Variants in SQOR observed in about 807,000 individuals in gnomAD.
The protein encoded by SQOR is sulfide:quinone oxidoreductase, mitochondrial.
Under a neutral mutation model 48.6 loss-of-function variants are expected in SQOR, and 39 were observed. The ratio of observed to expected loss-of-function variants is 0.80; its 90% CI spans 0.62 to 1.05. The LOEUF (loss-of-function observed/expected upper bound fraction) is 1.05. Among genes scored for constraint, SQOR ranks in the 50% least tolerant of loss-of-function variants. The pLI is 0.00. For synonymous variants in SQOR, 220 were observed against 206.2 expected, an observed-to-expected ratio of 1.07 and a Z score of -0.57; for missense variants, 561 against 559.9, an observed-to-expected ratio of 1.00 and a Z score of -0.02.
At chr15:45,650,971 A>G (rs1889473284) in intron 1 of SQOR, among the ~76,000 whole-genome samples, 1 of 152,216 alleles carries the variant, frequency 6.6e-6, no homozygotes, top group African/African-American at 2.4e-5. Context: ...CCCGTGCCAG[A>G]GCCGAGGCGG....
At chr15:45,633,902 T>C (rs1023489022), upstream of SQOR, among the ~76,000 whole-genome samples, 8 of 149,792 alleles carry the variant, frequency 5.3e-5, no homozygotes, top group Admixed American at 4.7e-4. Context: ...AGGCTGGGCA[T>C]GGTGGCTCAC....
At position 45,683,407 on chromosome 15, in the gene SQOR, G is replaced by A. The variant is rs548461990; in HGVS notation, c.1048+746G>A. ...GTCCTGTTAAGACAAATACAGTGGA[G>A]CATGCCCTGAGTGGTACACGATTAA... On this transcript the variant is annotated intron_variant, in intron 7 of 9. Coordinates refer to ENST00000260324, the MANE Select transcript of SQOR (RefSeq NM_021199.4). Among the ~76,000 whole-genome samples the A allele has an allele frequency of 5.9e-5, 9 of 152,350 alleles. 1 individual carries two copies. Among genetic ancestry groups the A allele is most frequent in the East Asian group, 1.9e-4 (1 of 5,190 alleles).
chr15:45,631,286 G>A (rs987045663), upstream of SQOR: 3 of 153,384 alleles, frequency 2.0e-5, no homozygotes, highest in African/African-American at 7.2e-5. Context: ...TTTATCAGCA[G>A]TGTGAAAACA....
chr15:45,689,417 CTTTT>C (rs544575691), intron 9 of SQOR, 200 bp downstream of exon 9: 527 of 254,310 alleles, frequency 2.1e-3, no homozygotes, highest in South Asian at 3.9e-3. Flanking sequence ...TGCTACCTTA[CTTTT>C]TTTTTTTTTT....
chr15:45,634,644 G>A (rs975732027), upstream of SQOR: 1 of 152,326 alleles, frequency 6.6e-6, no homozygotes, highest in Non-Finnish European at 1.5e-5. Context: ...GCACATAGGA[G>A]GACCCAGTGG....
chr15:45,675,831 T>G (rs1890026058), intron 5 of SQOR, among the ~76,000 whole-genome samples: 2 of 152,230 alleles, frequency 1.3e-5, no homozygotes, highest in South Asian at 4.1e-4. Context: ...TCTACTCTAC[T>G]CTGTCTTGAC....
upstream of SQOR, among the ~76,000 whole-genome samples, chr15:45,633,423 C>T (rs1027346384): frequency 1.3e-5 from 2 of 152,132 alleles, no homozygotes; most frequent in Non-Finnish European, 2.9e-5. Context: ...TGGCTGGGTG[C>T]GATGGCTCAC....
chr15:45,650,311 C>G (rs1233089380), intron 1 of SQOR, among the ~76,000 whole-genome samples: 1 of 152,146 alleles, frequency 6.6e-6, no homozygotes, highest in African/African-American at 2.4e-5. Flanking sequence ...CCCTGTGGAC[C>G]CTCGTGGGGA....
rs764793722 is a variant in SQOR at position 45,689,082 on chromosome 15, G to A, written c.1160G>A (p.Arg387His). The change falls in exon 9 of 10, where the codon CGT (arginine) becomes CAT (histidine). Residue 387 changes from arginine to histidine, a missense_variant. Transcript: ENST00000260324. ...TGTCCACTGGTGACCGGCTACAACC[G>A]TGTGATTCTTGCTGAGTTTGACTAC... ...TSCPLVTGYN[R>H]VILAEFDYKA... The A allele has an allele frequency of 1.2e-5, 19 of 1,614,122 alleles. No individual in the cohort carries two copies. The African/African-American group carries it at 1.6e-4, about 14-fold the overall frequency.
chr15:45,688,483 G>T, intron 8 of SQOR, 79 bp downstream of exon 8: 9 of 1,093,752 alleles, frequency 8.2e-6, no homozygotes, highest in South Asian at 4.7e-5. Context: ...CCACAATTTT[G>T]CACTTTCTGT....
intron 7 of SQOR, among the ~76,000 whole-genome samples, chr15:45,687,996 C>T (rs1285497544): frequency 2.0e-5 from 3 of 152,218 alleles, no homozygotes; most frequent in Non-Finnish European, 4.4e-5. Flanking sequence ...GGATAACCCA[C>T]ATGGTCAAGA....
chr15:45,689,417 C>CTT (rs544575691), intron 9 of SQOR, 200 bp downstream of exon 9: 1,606 of 253,922 alleles, frequency 6.3e-3, no homozygotes, highest in South Asian at 0.01. Flanking sequence ...TGCTACCTTA[C>CTT]TTTTTTTTTT....
intron 1 of SQOR, among the ~76,000 whole-genome samples, chr15:45,651,925 G>C (rs55755923): frequency 0.091 from 13,742 of 151,830 alleles, 750 homozygotes; most frequent in Middle Eastern, 0.21. Context: ...CTCTCACTCT[G>C]TTGCCCAGGC....
intron 4 of SQOR, among the ~76,000 whole-genome samples, chr15:45,670,525 T>C (rs550093014): frequency 2.0e-5 from 3 of 152,324 alleles, no homozygotes; most frequent in Admixed American, 1.3e-4. Flanking sequence ...CAGATGCAAT[T>C]TGAAAGTTTT....
intron 7 of SQOR, among the ~76,000 whole-genome samples, chr15:45,687,665 G>T (rs1890247360): frequency 6.6e-6 from 1 of 152,148 alleles, no homozygotes; most frequent in African/African-American, 2.4e-5. Flanking sequence ...AATAAAAAAG[G>T]CAGTCTCCCC....
intron 6 of SQOR, among the ~76,000 whole-genome samples, chr15:45,681,300 A>C (rs896108962): frequency 6.6e-6 from 1 of 152,222 alleles, no homozygotes; most frequent in African/African-American, 2.4e-5. Context: ...GCAAACATGC[A>C]TTCAGTTTCA....
intron 1 of SQOR, among the ~76,000 whole-genome samples, chr15:45,645,540 A>G (rs2140939440): frequency 6.6e-6 from 1 of 152,326 alleles, no homozygotes; most frequent in South Asian, 2.1e-4. Flanking sequence ...CCTCAGTAGA[A>G]CAAAAAGGCG....
chr15:45,649,643 C>A (rs1889425410), intron 1 of SQOR, among the ~76,000 whole-genome samples: 3 of 150,828 alleles, frequency 2.0e-5, no homozygotes, highest in Non-Finnish European at 1.5e-5. Context: ...CCATGCCCAG[C>A]TAATTTTTTT....
intron 2 of SQOR, 27 bp from the exon 3 acceptor site, chr15:45,661,928 T>G: frequency 6.2e-7 from 1 of 1,606,836 alleles, no homozygotes; most frequent in Non-Finnish European, 8.5e-7. Context: ...CAAATTGCAA[T>G]AAATCTTCAA....
Sources: gnomAD v4.1 joint callset for allele counts (sites outside exome capture counted in the v4.1 genomes callset) on GRCh38, gnomAD v4.1.1 for gene constraint, MANE v1.5 for transcripts, NCBI Gene and HGNC (gene_info 2026-07-23, HGNC 2026-07-21) for gene names.